The following PRMT5 variants were observed in gnomAD, a reference collection of about 807,000 sequenced individuals.
PRMT5 encodes protein arginine N-methyltransferase 5.
A neutral mutation model predicts 84.0 loss-of-function variants in PRMT5; 15 were observed. The ratio of observed to expected loss-of-function variants is 0.18; its 90% CI spans 0.12 to 0.28. The LOEUF (loss-of-function observed/expected upper bound fraction) is 0.28, where lower values mean the gene tolerates loss of function less well. PRMT5 is among the 10% of genes least tolerant of loss of function. The pLI, the probability that PRMT5 is intolerant of heterozygous loss-of-function variation, is 1.00. For missense variants in PRMT5, 486 were observed against 808.0 expected, an observed-to-expected ratio of 0.60 and a Z score of 4.83; for synonymous variants, 276 against 292.4, an observed-to-expected ratio of 0.94 and a Z score of 0.57.
rs758730512 is a variant in PRMT5, at chr14:22,929,330, C to T, written c.32G>A (p.Gly11Glu). 6.2e-7 allele frequency: 1 copy of T among 1,611,574 alleles called. No homozygotes were observed. Among genetic ancestry groups the T allele is most frequent in the Non-Finnish European group, 8.5e-7 (1 of 1,179,462 alleles). MAAMAVGGAG[G>E]SRVSSGRDLN... The stretch of plus-strand genomic sequence containing the variant: ...GTCCCTCCCGCTGGACACGCGGCTC[C>T]CACCAGCACCCCCGACCGCCATCGC... The change falls in exon 1 of 17, where the codon GGG (glycine) becomes GAG (glutamate). Residue 11 changes from glycine (G) to glutamate (E), a missense_variant. By Grantham distance (98) the Gly-to-Glu change is moderately conservative. Transcript: ENST00000324366.
intron 3 of PRMT5, among the ~76,000 whole-genome samples, chr14:22,927,875 A>G (rs1422995831): frequency 6.6e-6 from 1 of 151,458 alleles, no homozygotes; most frequent in Non-Finnish European, 1.5e-5. Context: ...TGCCTGGCTA[A>G]TTTTTGTATA....
At position 22,923,006 on chromosome 14, in the gene PRMT5, A is replaced by G. The variant is rs2044338217; in HGVS notation, c.1485+45T>C. ...GCTGATGCAAATACAGAAAAAGAAG[A>G]GGACTAAAGAGTACCACTTCTTTCC... On this transcript the variant is annotated intron_variant, in intron 13 of 16. Coordinates refer to ENST00000324366, the MANE Select transcript of PRMT5 (RefSeq NM_006109.5). The surrounding 1 kb of genome is among the most constrained non-coding windows in gnomAD (Gnocchi z 5.2). The G allele has an allele frequency of 8.1e-6, 12 of 1,478,604 alleles. No homozygotes were observed. In the East Asian group the frequency reaches 2.8e-4, roughly 34 times the overall value. The allele number at this position is 1,478,604 out of a possible 1,614,324, so 91.6% of individuals were successfully genotyped here. A position where few individuals can be genotyped will look rare whatever the true frequency, so the allele number is the denominator to read the frequency against.
chr14:22,926,074 A>G, intron 7 of PRMT5, 59 bp downstream of exon 7: 3 of 1,486,808 alleles, frequency 2.0e-6, no homozygotes, highest in South Asian at 1.2e-5. Flanking sequence ...ACGATCATAC[A>G]CAGGTAAATA....
At chr14:22,925,809 G>C (rs1333685417) in intron 7 of PRMT5, among the ~76,000 whole-genome samples, 1 of 151,232 alleles carries the variant, frequency 6.6e-6, no homozygotes, top group African/African-American at 2.4e-5. Flanking sequence ...AACAGAGTGA[G>C]ACCCTGTCTC....
chr14:22,926,212 G>C lies in PRMT5; in HGVS notation c.698C>G (p.Thr233Ser). ...CTTCTTATTGGTCAGGAAAATGCTA[G>C]TGGGGAGAATGGCTGCTTTGATGGG... ...GEPIKAAILP[T>S]SIFLTNKKGF... The change falls in exon 7 of 17, where the codon ACT (threonine) becomes AGT (serine). Residue 233 changes from threonine (T) to serine (S), a missense_variant. Thr to Ser is a moderately conservative substitution (Grantham distance 58). This residue lies in a region of PRMT5 where 215 missense variants were observed against 301.1 expected (regional missense o/e 0.71). Coordinates refer to ENST00000324366, the MANE Select transcript of PRMT5 (RefSeq NM_006109.5). 6.2e-7 allele frequency: 1 copy of C among 1,613,466 alleles called. No homozygotes were observed. Among genetic ancestry groups the C allele is most frequent in the Non-Finnish European group, 8.5e-7 (1 of 1,179,422 alleles).
intron 14 of PRMT5, 33 bp downstream of exon 14, chr14:22,922,709 C>T (rs751310250): frequency 3.8e-6 from 6 of 1,599,134 alleles, no homozygotes; most frequent in Non-Finnish European, 5.1e-6. Flanking sequence ...GCCCGTACCC[C>T]TCTAGTCAGA....
Position 22,920,916 on chromosome 14 carries a change from G to T in PRMT5, c.1902C>A (p.Thr634=), listed in dbSNP as rs764445799. Residue 634 remains threonine, a synonymous_variant, in exon 17 of 17, where the codon ACC becomes ACA. Coordinates refer to ENST00000324366, the MANE Select transcript of PRMT5 (RefSeq NM_006109.5). ...AIHNPTGRSY[T]IGL ...TTGGCACGCAGGGCTAGAGGCCAATGGTATATGAGCGGCCTGTGGGGTTAT... is the reference window on the plus strand; with the variant it reads ...TTGGCACGCAGGGCTAGAGGCCAATTGTATATGAGCGGCCTGTGGGGTTAT... The T allele has an allele frequency of 1.1e-4, 170 of 1,614,088 alleles. No homozygotes were observed. The highest frequency in any genetic ancestry group is 1.4e-4 in the Non-Finnish European group (167 of 1,180,032).
rs1339346524 is a variant in PRMT5 at position 22,922,256 on chromosome 14, A to G, written c.1697-16T>C. On this transcript the variant is annotated splice_polypyrimidine_tract_variant and intron_variant, in intron 15 of 16. Transcript: ENST00000324366. ...GGACGGATACCTGTGTGGACAAAAT[A>G]ATGAAAAAACAGAGGTCTCCATGGC... 5 of 1,582,880 alleles carry G rather than the reference A, an allele frequency of 3.2e-6. No individual in the cohort carries two copies. The highest frequency in any genetic ancestry group is 4.3e-6 in the Non-Finnish European group (5 of 1,151,764).
At chr14:22,929,063 C>CACAGGCCTCCCACAAT in intron 1 of PRMT5, 189 bp downstream of exon 1, 1 of 1,442,660 alleles carries the variant, frequency 6.9e-7, no homozygotes, top group Non-Finnish European at 9.6e-7. Context: ...ACTCAGTGAC[C>CACAGGCCTCCCACAAT]ACAGGCCTCC....
chr14:22,925,150 T>TA, intron 7 of PRMT5, 110 bp from the exon 8 acceptor site: 3 of 1,004,626 alleles, frequency 3.0e-6, no homozygotes, highest in Non-Finnish European at 4.1e-6. Flanking sequence ...TCAACAGTTC[T>TA]CTTTTTTTTT....
rs1193649482 is a variant in PRMT5, at chr14:22,928,148, T to A, written c.293A>T (p.Lys98Met). 6.2e-7 allele frequency: 1 copy of A among 1,614,072 alleles called. No homozygotes were observed. The highest frequency in any genetic ancestry group is 1.3e-5 in the African/African-American group (1 of 74,936). ...PWIRPDSKVE[K>M]IRRNSEAAML... ...TACCGCCTCGGAGTTCCTGCGAATCTTCTCCACTTTTGAGTCTGGACGAAT... is the reference window on the plus strand; with the variant it reads ...TACCGCCTCGGAGTTCCTGCGAATCATCTCCACTTTTGAGTCTGGACGAAT... The change falls in exon 3 of 17, where the codon AAG becomes ATG. Residue 98 changes from lysine to methionine, a missense_variant. By Grantham distance (95) the Lys-to-Met change is moderately conservative. Transcript: ENST00000324366. The surrounding 1 kb of genome is among the most constrained non-coding windows in gnomAD (Gnocchi z 4.8).
chr14:22,929,213 T>G (rs750970626), intron 1 of PRMT5, 39 bp downstream of exon 1: 34 of 1,613,710 alleles, frequency 2.1e-5, no homozygotes, highest in South Asian at 1.1e-4. Flanking sequence ...GTCCCCGAGT[T>G]CGGACCCCGC....
Position 22,926,509 on chromosome 14 carries a change from C to T in PRMT5, c.610G>A (p.Val204Met). 1 of 1,614,166 alleles carries T rather than the reference C, an allele frequency of 6.2e-7. No homozygotes were observed. The highest frequency in any genetic ancestry group is 8.5e-7 in the Non-Finnish European group (1 of 1,180,024). ...CCCAGGATTCTCATGGACTCACCCA[C>T]TGCAATCCTCTTACTATAGTCACAC... Reference protein sequence around the residue: ...TLCDYSKRIAVALEIGADLPS... With the variant: ...TLCDYSKRIAMALEIGADLPS... Residue 204 changes from valine to methionine, a missense_variant, in exon 6 of 17, where the codon GTG becomes ATG. Val to Met is a conservative substitution (Grantham distance 21). Around this residue, in one of 4 missense-constraint regions of PRMT5, gnomAD observed 215 missense variants for 301.1 expected, o/e 0.71. Coordinates refer to ENST00000324366, the MANE Select transcript of PRMT5 (RefSeq NM_006109.5).
rs897932725 is a variant in PRMT5, at chr14:22,928,019, A to C, written c.315+107T>G. 1 of 1,019,284 alleles carries C rather than the reference A, an allele frequency of 9.8e-7. No homozygotes were observed. Among genetic ancestry groups the C allele is most frequent in the African/African-American group, 1.6e-5 (1 of 62,200 alleles). 63.1% of individuals were successfully genotyped at this position (1,019,284 alleles called of 1,614,324 possible). ...CCACAGCACCCAGCCTAATAGCTTTAATTTCATTCTATCAGTTAATTTACC... is the reference window on the plus strand; with the variant it reads ...CCACAGCACCCAGCCTAATAGCTTTCATTTCATTCTATCAGTTAATTTACC... On this transcript the variant is annotated intron_variant, in intron 3 of 16. Coordinates refer to ENST00000324366, the MANE Select transcript of PRMT5 (RefSeq NM_006109.5). The surrounding 1 kb of genome is among the most constrained non-coding windows in gnomAD (Gnocchi z 4.8).
Position 22,920,949 on chromosome 14 carries a change from A to C in PRMT5, c.1869T>G (p.Ser623=). The change falls in exon 17 of 17, where the codon TCT becomes TCG. Residue 623 remains serine (S), a synonymous_variant. Coordinates refer to ENST00000324366, the MANE Select transcript of PRMT5 (RefSeq NM_006109.5). ...YEWAVTAPVC[S]AIHNPTGRSY... Reference sequence around the variant, plus strand: ...AGCGGCCTGTGGGGTTATGAATAGCAGAACAGACTGGTGCTGTCACAGCCC... The same window carrying C: ...AGCGGCCTGTGGGGTTATGAATAGCCGAACAGACTGGTGCTGTCACAGCCC... 6.2e-7 allele frequency: 1 copy of C among 1,614,234 alleles called. No individual in the cohort carries two copies. The highest frequency in any genetic ancestry group is 1.3e-5 in the African/African-American group (1 of 75,048).
At chr14:22,927,420 T>G in intron 4 of PRMT5, 106 bp downstream of exon 4, 1 of 1,493,836 alleles carries the variant, frequency 6.7e-7, no homozygotes, top group South Asian at 1.2e-5. Context: ...TACTGATACT[T>G]CAATTCTGCC....
At position 22,924,212 on chromosome 14, in the gene PRMT5, G is replaced by T; in HGVS notation, c.1200-29C>A. 2 of 1,611,684 alleles carry T rather than the reference G, an allele frequency of 1.2e-6. No individual in the cohort carries two copies. Among genetic ancestry groups the T allele is most frequent in the Non-Finnish European group, 1.7e-6 (2 of 1,178,374 alleles). On this transcript the variant is annotated intron_variant, in intron 11 of 16. Coordinates refer to ENST00000324366, the MANE Select transcript of PRMT5 (RefSeq NM_006109.5). The surrounding 1 kb of genome is among the most constrained non-coding windows in gnomAD (Gnocchi z 6.5). The stretch of plus-strand genomic sequence containing the variant: ...AAACAGAGACAATAAGGTAAGGAGA[G>T]ATGTTAAGGAAATTTGGCAATGAGG...
At chr14:22,922,644 G>A (rs1407892879) in intron 14 of PRMT5, 85 bp from the exon 15 acceptor site, 3 of 1,511,516 alleles carry the variant, frequency 2.0e-6, no homozygotes, top group African/African-American at 2.8e-5. Context: ...AGGAAAGGAA[G>A]AGTAGATAAG....
chr14:22,924,111 C>T lies in PRMT5; in HGVS notation c.1272G>A (p.Val424=), dbSNP rs1235685427. ...TVVSSDMREW[V]APEKADIIVS... ...CAATGATGTCTGCTTTCTCTGGAGC[C>T]ACCCATTCCCTCATGTCTGATGAGA... Residue 424 remains valine, a synonymous_variant, in exon 12 of 17, where the codon GTG becomes GTA. Transcript: ENST00000324366. The surrounding 1 kb of genome is among the most constrained non-coding windows in gnomAD (Gnocchi z 6.5). The T allele has an allele frequency of 2.5e-6, 4 of 1,613,784 alleles. No individual in the cohort carries two copies. Among genetic ancestry groups the T allele is most frequent in the Non-Finnish European group, 3.4e-6 (4 of 1,179,834 alleles).
Sources: gnomAD v4.1 joint callset for allele counts (sites outside exome capture counted in the v4.1 genomes callset) on GRCh38, gnomAD v4.1.1 for gene constraint, gnomAD v4.1.1 regional missense constraint, Gnocchi (gnomAD v3.1) non-coding constraint, MANE v1.5 for transcripts, NCBI Gene and HGNC (gene_info 2026-07-23, HGNC 2026-07-21) for gene names.